OR1F1: variants seen among roughly 807,000 people sequenced by gnomAD.
The protein encoded by OR1F1 is olfactory receptor 1F1.
For missense variants in OR1F1, 493 were observed against 376.3 expected, an observed-to-expected ratio of 1.31 and a Z score of -2.57; for synonymous variants, 184 against 156.7, an observed-to-expected ratio of 1.17 and a Z score of -1.30.
At chr16:3,195,961 G>T in the OR1F1 span, among the ~76,000 whole-genome samples, 1 of 152,178 alleles carries the variant, frequency 6.6e-6, no homozygotes, top group Non-Finnish European at 1.5e-5. Flanking sequence ...GCCCCTGCCT[G>T]GGGCTTCCAG....
At chr16:3,189,885 A>G in the OR1F1 span, 2 of 151,836 alleles carry the variant, frequency 1.3e-5, no homozygotes, top group African/African-American at 2.4e-5. Context: ...TCCTGTCACC[A>G]GTGTTGCCAG....
the OR1F1 span, among the ~76,000 whole-genome samples, chr16:3,191,737 G>C: frequency 6.6e-6 from 1 of 152,012 alleles, no homozygotes; most frequent in Non-Finnish European, 1.5e-5. Context: ...ACCAAAGGCA[G>C]CACCGGGACG....
exon 1 of OR1F1, chr16:3,204,322 C>G: frequency 6.2e-7 from 1 of 1,614,144 alleles, no homozygotes; most frequent in East Asian, 2.2e-5. Flanking sequence ...GCAGCAGCAT[C>G]TCCTCTTTGT....
chr16:3,202,344 C>T (rs1048989424), upstream of OR1F1, among the ~76,000 whole-genome samples: 1 of 152,068 alleles, frequency 6.6e-6, no homozygotes, highest in Non-Finnish European at 1.5e-5. Context: ...CATTCAGCTC[C>T]CTGAATTTGG....
the OR1F1 span, among the ~76,000 whole-genome samples, chr16:3,195,179 TC>T: frequency 2.6e-5 from 4 of 152,016 alleles, no homozygotes; most frequent in South Asian, 6.2e-4. Context: ...TCCGGCGCTC[TC>T]CCCCCAACCG....
the OR1F1 span, among the ~76,000 whole-genome samples, chr16:3,195,162 C>A: frequency 6.6e-6 from 1 of 152,236 alleles, no homozygotes; most frequent in Non-Finnish European, 1.5e-5. Flanking sequence ...ATCTCAGACC[C>A]TGCGCCTCCG....
chr16:3,202,455 C>T (rs1285870762), upstream of OR1F1, among the ~76,000 whole-genome samples: 8 of 152,044 alleles, frequency 5.3e-5, no homozygotes, highest in African/African-American at 9.7e-5. Context: ...GGTTTTCTAT[C>T]GCTTGCAAAT....
At chr16:3,191,218 GT>G in the OR1F1 span, 8 of 152,180 alleles carry the variant, frequency 5.3e-5, no homozygotes, top group African/African-American at 1.9e-4. Flanking sequence ...GTGTGGGTAT[GT>G]TTTTTCTCTT....
the OR1F1 span, among the ~76,000 whole-genome samples, chr16:3,196,921 G>A: frequency 3.3e-5 from 5 of 152,100 alleles, no homozygotes; most frequent in South Asian, 1.0e-3. Context: ...CTGTTGACCA[G>A]GCTGGAGTGC....
the OR1F1 span, among the ~76,000 whole-genome samples, chr16:3,194,048 A>T: frequency 6.6e-6 from 1 of 152,144 alleles, no homozygotes; most frequent in African/African-American, 2.4e-5. Context: ...AAAAAGGACA[A>T]AGCATGGAGA....
chr16:3,203,695 T>C (rs545884852), upstream of OR1F1, among the ~76,000 whole-genome samples: 24 of 152,218 alleles, frequency 1.6e-4, 1 homozygote, highest in South Asian at 4.8e-3. Flanking sequence ...ACTAGGGAGC[T>C]GAAGGTTGCA....
exon 1 of OR1F1, chr16:3,204,441 C>A: frequency 2.5e-6 from 4 of 1,614,138 alleles, no homozygotes; most frequent in Non-Finnish European, 3.4e-6. Flanking sequence ...TCCTCAGCAA[C>A]CTGTCTTTTG....
chr16:3,188,691 C>A, the OR1F1 span, among the ~76,000 whole-genome samples: 1 of 152,036 alleles, frequency 6.6e-6, no homozygotes, highest in African/African-American at 2.4e-5. Context: ...CGAGGGAATT[C>A]GCGGCTTTGA....
the OR1F1 span, among the ~76,000 whole-genome samples, chr16:3,192,340 A>AC: frequency 6.6e-6 from 1 of 152,230 alleles, no homozygotes; most frequent in African/African-American, 2.4e-5. Flanking sequence ...GGCGTGAGCC[A>AC]CTGCGCCCGG....
At chr16:3,191,748 G>T in the OR1F1 span, among the ~76,000 whole-genome samples, 1 of 152,064 alleles carries the variant, frequency 6.6e-6, no homozygotes, top group Non-Finnish European at 1.5e-5. Context: ...CACCGGGACG[G>T]GCTGGTTGCC....
chr16:3,204,725 C>A, exon 1 of OR1F1: 1 of 1,614,132 alleles, frequency 6.2e-7, no homozygotes, highest in East Asian at 2.2e-5. Flanking sequence ...CTTCTGCACA[C>A]CCTGCTGATG....
the OR1F1 span, among the ~76,000 whole-genome samples, chr16:3,194,452 A>G: frequency 6.6e-6 from 1 of 152,222 alleles, no homozygotes; most frequent in Non-Finnish European, 1.5e-5. Context: ...ATAGGGGATG[A>G]ATTGAATACA....
the OR1F1 span, among the ~76,000 whole-genome samples, chr16:3,194,874 C>T: frequency 5.3e-5 from 8 of 152,182 alleles, no homozygotes; most frequent in African/African-American, 1.9e-4. Context: ...CTTCCTGCCT[C>T]GGCCTCCCAA....
chr16:3,204,595 G>T lies in OR1F1; in HGVS notation c.349G>T (p.Val117Leu), dbSNP rs750980288. Reference sequence around the variant, plus strand: ...GGACATGGACAATTTCCTCCTAGCTGTGATGGCCTATGACCACTTTGTCGC... The same window carrying T: ...GGACATGGACAATTTCCTCCTAGCTTTGATGGCCTATGACCACTTTGTCGC... The change falls in exon 1 of 1, where the codon GTG (valine) becomes TTG (leucine). Residue 117 changes from valine (V) to leucine (L), a missense_variant. Physicochemically the swap from Val to Leu is conservative, Grantham distance 32. Coordinates refer to ENST00000304646, the Ensembl canonical transcript of OR1F1. 16 of 1,614,182 alleles carry T rather than the reference G, an allele frequency of 9.9e-6. No individual in the cohort carries two copies. The South Asian group carries it at 1.6e-4, about 17-fold the overall frequency.
Sources: gnomAD v4.1 joint callset for allele counts (sites outside exome capture counted in the v4.1 genomes callset) on GRCh38, gnomAD v4.1.1 for gene constraint, MANE v1.5 for transcripts, NCBI Gene and HGNC (gene_info 2026-07-23, HGNC 2026-07-21) for gene names.